Variants in GALNTL6 observed in about 807,000 individuals in gnomAD.
GALNTL6 encodes the protein polypeptide N-acetylgalactosaminyltransferase-like 6.
In GALNTL6, 46 loss-of-function variants were observed where a neutral mutation model predicts 73.7. The ratio of observed to expected loss-of-function variants is 0.62; its 90% CI spans 0.49 to 0.80. The LOEUF is 0.80. GALNTL6 is among the 30% of genes least tolerant of loss of function. GALNTL6 has a pLI of 0.00. For missense variants in GALNTL6, 604 were observed against 755.0 expected (o/e 0.80, Z 2.34); for synonymous variants, 259 against 263.7 (o/e 0.98, Z 0.17).
chr4:172,051,541 A>G (rs546288139), intron 2 of GALNTL6, among the ~76,000 whole-genome samples: 3 of 152,046 alleles, frequency 2.0e-5, no homozygotes, highest in East Asian at 3.9e-4. Context: ...CCAGTGGCTG[A>G]TCTCCTCTCT....
At chr4:172,994,415 G>A (rs1157102980) in intron 10 of GALNTL6, among the ~76,000 whole-genome samples, 1 of 152,104 alleles carries the variant, frequency 6.6e-6, no homozygotes, top group Non-Finnish European at 1.5e-5. Flanking sequence ...GTTTGAAGAT[G>A]TATTTTTACC....
At chr4:172,935,935 G>A (rs1312230214) in intron 9 of GALNTL6, among the ~76,000 whole-genome samples, 1 of 152,096 alleles carries the variant, frequency 6.6e-6, no homozygotes, top group Non-Finnish European at 1.5e-5. Flanking sequence ...ATTTTATGAG[G>A]CCAGCATCAT....
chr4:171,827,746 G>T (rs542849454), intron 2 of GALNTL6, among the ~76,000 whole-genome samples: 1 of 152,186 alleles, frequency 6.6e-6, no homozygotes, highest in Admixed American at 6.5e-5. Context: ...CAAGCTGAAA[G>T]GTGATCACTG....
At chr4:172,441,901 A>AT (rs5864137) in intron 5 of GALNTL6, among the ~76,000 whole-genome samples, 75 of 151,900 alleles carry the variant, frequency 4.9e-4, no homozygotes, top group African/African-American at 1.7e-3. Flanking sequence ...ATAAGAATTG[A>AT]TTTTTTTTTA....
At chr4:172,679,411 CAA>C (rs61373196) in intron 5 of GALNTL6, among the ~76,000 whole-genome samples, 39 of 117,626 alleles carry the variant, frequency 3.3e-4, no homozygotes, top group East Asian at 6.9e-4. Flanking sequence ...AACTCCATCT[CAA>C]AAAAAAAAAA....
chr4:173,012,381 G>A (rs1039155190), intron 11 of GALNTL6, among the ~76,000 whole-genome samples: 12 of 152,220 alleles, frequency 7.9e-5, no homozygotes, highest in Non-Finnish European at 1.6e-4. Flanking sequence ...TTACAATGCA[G>A]AGCATCATGA....
chr4:172,553,773 T>G (rs962184665), intron 5 of GALNTL6, among the ~76,000 whole-genome samples: 5 of 152,130 alleles, frequency 3.3e-5, no homozygotes, highest in African/African-American at 1.2e-4. Flanking sequence ...GTTAGAAATT[T>G]TGGCCGGCCA....
intron 4 of GALNTL6, among the ~76,000 whole-genome samples, chr4:172,340,739 C>A (rs1283082732): frequency 6.6e-6 from 1 of 152,186 alleles, no homozygotes; most frequent in South Asian, 2.1e-4. Flanking sequence ...TGAGATAAAA[C>A]CCGTCTAACT....
intron 5 of GALNTL6, among the ~76,000 whole-genome samples, chr4:172,356,859 G>T (rs985496889): frequency 1.4e-4 from 21 of 151,990 alleles, no homozygotes; most frequent in African/African-American, 4.8e-4. Flanking sequence ...GGTATCCAAG[G>T]TTCCTTTCTT....
chr4:172,333,439 A>G (rs2111186155), intron 4 of GALNTL6, among the ~76,000 whole-genome samples: 1 of 152,174 alleles, frequency 6.6e-6, no homozygotes, highest in African/African-American at 2.4e-5. Flanking sequence ...CAAAACAAAA[A>G]ACGAAATGTA....
intron 2 of GALNTL6, among the ~76,000 whole-genome samples, chr4:172,088,461 A>T (rs976866696): frequency 6.6e-6 from 1 of 152,224 alleles, no homozygotes; most frequent in Non-Finnish European, 1.5e-5. Context: ...GATGTGTATA[A>T]CGCCTTCTTC....
At chr4:172,900,708 A>G (rs1001883072) in intron 8 of GALNTL6, among the ~76,000 whole-genome samples, 2 of 152,180 alleles carry the variant, frequency 1.3e-5, no homozygotes, top group African/African-American at 2.4e-5. Flanking sequence ...GATATTTTTT[A>G]GTTTTCACAG....
rs574798811 is a variant in GALNTL6, at chr4:172,592,534, C to A, written c.554-216827C>A. On this transcript the variant is annotated intron_variant, in intron 5 of 12. Transcript: ENST00000506823. Reference sequence around the variant, plus strand: ...GGAGCCCCACATCTGATCCACTAAACCTGAATGTTAGAGGGAAGCTCCAAG... The same window carrying A: ...GGAGCCCCACATCTGATCCACTAAAACTGAATGTTAGAGGGAAGCTCCAAG... 4.6e-5 allele frequency among the ~76,000 whole-genome samples: 7 copies of A among 152,270 alleles called. No individual in the cohort carries two copies. In the South Asian group the frequency reaches 8.3e-4, roughly 18 times the overall value.
intron 5 of GALNTL6, among the ~76,000 whole-genome samples, chr4:172,370,252 T>G (rs1373640797): frequency 6.6e-6 from 1 of 152,106 alleles, no homozygotes; most frequent in Non-Finnish European, 1.5e-5. Context: ...CTTCTGTATG[T>G]AGCTTGATGG....
In GALNTL6 at chr4:172,111,497, T is replaced by A. The variant is rs114580155; in HGVS notation, c.139-118159T>A. Among the ~76,000 whole-genome samples, 1,260 of 152,204 alleles carry A rather than the reference T, an allele frequency of 8.3e-3. 20 individuals carry two copies. The highest frequency in any genetic ancestry group is 0.029 in the African/African-American group (1,190 of 41,580). On this transcript the variant is annotated intron_variant, in intron 2 of 12. Transcript: ENST00000506823. ...AGCTTAAGTTAATTGAATGAAATAA[T>A]TTTACTGACATTTTTCTGTCTGATA... is the stretch of plus-strand genomic sequence containing the variant.
intron 8 of GALNTL6, among the ~76,000 whole-genome samples, chr4:172,919,521 G>A (rs1747689879): frequency 6.6e-6 from 1 of 152,198 alleles, no homozygotes; most frequent in South Asian, 2.1e-4. Flanking sequence ...GACATGGCAA[G>A]ATTGACAGCC....
intron 8 of GALNTL6, among the ~76,000 whole-genome samples, chr4:172,899,199 G>A (rs1488349765): frequency 1.3e-5 from 2 of 152,076 alleles, no homozygotes; most frequent in South Asian, 2.1e-4. Context: ...TCTGTGGCTC[G>A]TCCTGCTACA....
intron 5 of GALNTL6, among the ~76,000 whole-genome samples, chr4:172,493,365 C>T (rs1457759353): frequency 1.3e-5 from 2 of 152,204 alleles, no homozygotes; most frequent in East Asian, 3.9e-4. Flanking sequence ...GGAACTTCGG[C>T]TAAGGAAAAT....
At chr4:172,091,417 C>T (rs1262522446) in intron 2 of GALNTL6, among the ~76,000 whole-genome samples, 2 of 152,086 alleles carry the variant, frequency 1.3e-5, no homozygotes, top group Non-Finnish European at 2.9e-5. Flanking sequence ...CTTGAGATCC[C>T]CCAAAATATC....
Sources: allele counts gnomAD v4.1 joint callset (sites outside exome capture counted in the v4.1 genomes callset), GRCh38; gene constraint gnomAD v4.1.1; transcripts MANE v1.5; gene names NCBI Gene and HGNC (gene_info 2026-07-23, HGNC 2026-07-21).